The following SF3B3 variants were observed in gnomAD, a reference collection of about 807,000 sequenced individuals.
SF3B3 encodes the protein SAP 130.
Under a neutral mutation model 139.2 loss-of-function variants are expected in SF3B3, and 33 were observed. That is an observed-to-expected ratio of 0.24 (90% confidence interval 0.18 to 0.32). The LOEUF is 0.32. Among genes scored for constraint, SF3B3 ranks in the 10% least tolerant of loss-of-function variants. SF3B3 has a pLI of 1.00. For missense variants in SF3B3, 818 were observed against 1,509.4 expected (o/e 0.54, Z 7.59); for synonymous variants, 596 against 563.6 (o/e 1.06, Z -0.81).
chr16:70,544,561 C>T (rs1169924965), intron 10 of SF3B3, 28 bp downstream of exon 10: 4 of 1,346,890 alleles, frequency 3.0e-6, no homozygotes, highest in Admixed American at 3.4e-5. Flanking sequence ...AGATAATCTG[C>T]AGGGTTTGGA....
intron 15 of SF3B3, 183 bp from the exon 16 acceptor site, chr16:70,560,286 A>T (rs1474015838): frequency 1.8e-5 from 9 of 486,712 alleles, no homozygotes; most frequent in African/African-American, 1.4e-4. Context: ...ACTTTGGATG[A>T]TTAAGTGATT....
intron 10 of SF3B3, among the ~76,000 whole-genome samples, chr16:70,547,974 G>C (rs755388810): frequency 3.9e-4 from 60 of 152,198 alleles, no homozygotes; most frequent in Non-Finnish European, 7.9e-4. Flanking sequence ...TGTTAAAGGA[G>C]GTGGCATTTG....
In SF3B3 at chr16:70,576,725, G is replaced by C. The variant is rs969023114; in HGVS notation, c.*4912G>C. ...AGAAACGAGATTCCACCTGCCAAAT[G>C]CCAAGAGGCAGCAAAGTCCATGAAG... On this transcript the variant is annotated 3_prime_UTR_variant, in exon 26 of 26. Transcript: ENST00000302516. 1.3e-5 allele frequency: 2 copies of C among 152,312 alleles called. No homozygotes were observed. The highest frequency in any genetic ancestry group is 1.3e-4 in the Admixed American group (2 of 15,292). The allele number at this position is 152,312 out of a possible 1,614,324, so 9.4% of individuals were successfully genotyped here. A position where few individuals can be genotyped will look rare whatever the true frequency, so the allele number is the denominator to read the frequency against.
At chr16:70,530,314 CTTTT>C (rs559650893) in intron 3 of SF3B3, among the ~76,000 whole-genome samples, 1 of 125,986 alleles carries the variant, frequency 7.9e-6, no homozygotes, top group Non-Finnish European at 1.7e-5. Context: ...ATTGTCTATT[CTTTT>C]TTTTTTTTTT....
At chr16:70,542,246 T>C (rs934936470) in intron 9 of SF3B3, among the ~76,000 whole-genome samples, 1 of 152,264 alleles carries the variant, frequency 6.6e-6, no homozygotes, top group Non-Finnish European at 1.5e-5. Context: ...CTTTTTAAAA[T>C]AAGTGGATTC....
In SF3B3 at chr16:70,540,322, G is replaced by A. The variant is rs191262934; in HGVS notation, c.1067+1115G>A. On this transcript the variant is annotated intron_variant, in intron 8 of 25. Coordinates refer to ENST00000302516, the MANE Select transcript of SF3B3 (RefSeq NM_012426.5). ...GTGATCCATCCACCTTGGCCTTCCC[G>A]AAGTGTTGGGACTACAGGCGTGTGC... 1.4e-3 allele frequency among the ~76,000 whole-genome samples: 217 copies of A among 151,836 alleles called. 1 individual carries two copies. Among genetic ancestry groups the A allele is most frequent in the Non-Finnish European group, 2.6e-3 (174 of 67,880 alleles).
chr16:70,564,064 C>A lies in SF3B3; in HGVS notation c.2463+14C>A, dbSNP rs769128776. 3 of 1,609,520 alleles carry A rather than the reference C, an allele frequency of 1.9e-6. No homozygotes were observed. The highest frequency in any genetic ancestry group is 2.5e-6 in the Non-Finnish European group (3 of 1,178,046). ...CAGATGGCAGAGGTAATGAGACTAA[C>A]GTTCAGGGGTTCTATTAAAAGATGT... is the stretch of plus-strand genomic sequence containing the variant. On this transcript the variant is annotated intron_variant, in intron 18 of 25. Transcript: ENST00000302516.
At chr16:70,571,287 T>A in intron 25 of SF3B3, 88 bp downstream of exon 25, 1 of 1,007,380 alleles carries the variant, frequency 9.9e-7, no homozygotes, top group Non-Finnish European at 1.6e-6. Context: ...CCAGGGAGGG[T>A]GCTCCCCTCA....
chr16:70,528,565 T>C (rs897328944), intron 2 of SF3B3, among the ~76,000 whole-genome samples: 1 of 150,436 alleles, frequency 6.6e-6, no homozygotes, highest in African/African-American at 2.4e-5. Flanking sequence ...TCTGAACTCC[T>C]GGGTTCAAAC....
chr16:70,549,314 T>C (rs1202044882), intron 11 of SF3B3, among the ~76,000 whole-genome samples: 1 of 152,190 alleles, frequency 6.6e-6, no homozygotes, highest in Non-Finnish European at 1.5e-5. Context: ...TTACTATTAG[T>C]AGAATACTCA....
Position 70,538,424 on chromosome 16 carries a change from T to C in SF3B3, c.927T>C (p.Asp309=), listed in dbSNP as rs1265250153. The change falls in exon 7 of 26, where the codon GAT becomes GAC. Residue 309 remains aspartate, a synonymous_variant. Transcript: ENST00000302516. ...TTTTGGCTCAAACTGAGCAGGGAGA[T>C]ATCTTTAAGATCACTTTGGAGACAG... ...FFFLAQTEQG[D]IFKITLETDE... 6.2e-7 allele frequency: 1 copy of C among 1,614,012 alleles called. No homozygotes were observed. The highest frequency in any genetic ancestry group is 1.1e-5 in the South Asian group (1 of 91,084).
In SF3B3 at chr16:70,530,928, C is replaced by T. The variant is rs1016243949; in HGVS notation, c.570+11C>T. The T allele has an allele frequency of 6.3e-7, 1 of 1,589,940 alleles. No homozygotes were observed. The highest frequency in any genetic ancestry group is 8.5e-7 in the Non-Finnish European group (1 of 1,170,370). On this transcript the variant is annotated intron_variant, in intron 4 of 25. Coordinates refer to ENST00000302516, the MANE Select transcript of SF3B3 (RefSeq NM_012426.5). The stretch of plus-strand genomic sequence containing the variant: ...GAAATGGATTATGAGGTAATGGGGA[C>T]CCTGTCTCTTTGCGTTTCTTTCAGT...
intron 10 of SF3B3, among the ~76,000 whole-genome samples, chr16:70,546,240 T>C (rs1025967098): frequency 1.3e-5 from 2 of 152,206 alleles, no homozygotes; most frequent in South Asian, 2.1e-4. Context: ...CAAAGTGTTG[T>C]GATTACAAGC....
At chr16:70,554,379 G>A (rs2050360057) in intron 11 of SF3B3, 67 bp from the exon 12 acceptor site, 3 of 1,476,262 alleles carry the variant, frequency 2.0e-6, no homozygotes, top group South Asian at 1.2e-5. Context: ...AGAACTCTTA[G>A]TGTTTCATTT....
chr16:70,524,099 ATC>A (rs1348489115), intron 1 of SF3B3, 171 bp downstream of exon 1: 1 of 387,888 alleles, frequency 2.6e-6, no homozygotes, highest in African/African-American at 2.1e-5. Flanking sequence ...TCCTGCAGTT[ATC>A]TCTCGCTTCC....
At position 70,567,467 on chromosome 16, in the gene SF3B3, T is replaced by C. The variant is rs1224426183; in HGVS notation, c.2883T>C (p.Ile961=). Residue 961 remains isoleucine, a synonymous_variant, in exon 21 of 26, where the codon ATT becomes ATC. Coordinates refer to ENST00000302516, the MANE Select transcript of SF3B3 (RefSeq NM_012426.5). ...AIAPFQGRVL[I]GVGKLLRVYD... is the part of the protein sequence containing the mutation. ...CCCCATTCCAGGGGAGGGTGTTGAT[T>C]GGTGTGGGGAAGCTGTTGCGTGTCT... is the stretch of plus-strand genomic sequence containing the variant. 11 of 1,613,862 alleles carry C rather than the reference T, an allele frequency of 6.8e-6. No homozygotes were observed. The highest frequency in any genetic ancestry group is 9.3e-6 in the Non-Finnish European group (11 of 1,179,938).
In SF3B3 at chr16:70,573,704, A is replaced by T. The variant is rs1567428709; in HGVS notation, c.*1891A>T. On this transcript the variant is annotated 3_prime_UTR_variant, in exon 26 of 26. Coordinates refer to ENST00000302516, the MANE Select transcript of SF3B3 (RefSeq NM_012426.5). ...ATTGACTCCTGTGGTTTGATTGAGC[A>T]ACCAGGTAAATAGAGACCTCTCTCC... 6.6e-6 allele frequency: 1 copy of T among 152,238 alleles called. No homozygotes were observed. The highest frequency in any genetic ancestry group is 1.5e-5 in the Non-Finnish European group (1 of 68,042). The allele number at this position is 152,238 out of a possible 1,614,324, so 9.4% of individuals were successfully genotyped here.
At chr16:70,534,800 C>T (rs1450217187) in intron 5 of SF3B3, among the ~76,000 whole-genome samples, 2 of 152,138 alleles carry the variant, frequency 1.3e-5, no homozygotes, top group African/African-American at 4.8e-5. Flanking sequence ...TCCCGAGTAG[C>T]TGGGATTACA....
chr16:70,555,500 A>AAAAAG (rs1555500454), intron 13 of SF3B3, among the ~76,000 whole-genome samples: 8 of 141,466 alleles, frequency 5.7e-5, no homozygotes, highest in African/African-American at 5.2e-5. Flanking sequence ...AAAAAAAAAA[A>AAAAAG]GCGAGCTGGA....
Sources: gnomAD v4.1 joint callset for allele counts (sites outside exome capture counted in the v4.1 genomes callset) on GRCh38, gnomAD v4.1.1 for gene constraint, MANE v1.5 for transcripts, NCBI Gene and HGNC (gene_info 2026-07-23, HGNC 2026-07-21) for gene names.